ANKS1B: variants seen among roughly 807,000 people sequenced by gnomAD.
ANKS1B encodes ankyrin repeat and sterile alpha motif domain-containing protein 1B.
In ANKS1B, 36 loss-of-function variants were observed where a neutral mutation model predicts 148.3. That is an observed-to-expected ratio of 0.24 (90% CI 0.19 to 0.32). The LOEUF is 0.32. Among genes scored for constraint, ANKS1B ranks in the 10% least tolerant of loss-of-function variants. The pLI, the probability that ANKS1B is intolerant of heterozygous loss-of-function variation, is 1.00. For missense variants in ANKS1B, 1,157 were observed against 1,542.6 expected (o/e 0.75, Z 4.19); for synonymous variants, 542 against 560.8 (o/e 0.97, Z 0.47).
chr12:98,789,447 A>G (rs1197529150), intron 22 of ANKS1B, among the ~76,000 whole-genome samples: 1 of 151,438 alleles, frequency 6.6e-6, no homozygotes, highest in Non-Finnish European at 1.5e-5. Context: ...AAGTTCCCCT[A>G]TTCTCCCTCA....
chr12:99,389,793 A>T (rs572045050), intron 12 of ANKS1B, among the ~76,000 whole-genome samples: 99 of 147,992 alleles, frequency 6.7e-4, no homozygotes, highest in Non-Finnish European at 1.2e-3. Context: ...AAATTGATTT[A>T]AAAAAAAACA....
At chr12:99,194,036 G>A (rs781474113) in intron 14 of ANKS1B, among the ~76,000 whole-genome samples, 4 of 151,602 alleles carry the variant, frequency 2.6e-5, no homozygotes, top group South Asian at 4.2e-4. Flanking sequence ...TCTTTACCTC[G>A]TGATCCGCCC....
intron 12 of ANKS1B, among the ~76,000 whole-genome samples, chr12:99,360,295 C>T (rs115280106): frequency 0.01 from 1,553 of 152,234 alleles, 28 homozygotes; most frequent in African/African-American, 0.036. Context: ...AATAGGATTA[C>T]AGACTCTTCA....
intron 14 of ANKS1B, among the ~76,000 whole-genome samples, chr12:99,189,890 G>A (rs1019079762): frequency 2.0e-5 from 3 of 152,160 alleles, no homozygotes; most frequent in Non-Finnish European, 4.4e-5. Flanking sequence ...AGGAAGAGAG[G>A]AAGTCAAATG....
intron 1 of ANKS1B, among the ~76,000 whole-genome samples, chr12:99,885,503 C>G (rs2092776151): frequency 6.6e-6 from 1 of 152,066 alleles, no homozygotes; most frequent in South Asian, 2.1e-4. Flanking sequence ...CGGGGTTTCA[C>G]CATGTTAGCC....
At chr12:98,966,961 C>T (rs2099878608) in intron 17 of ANKS1B, among the ~76,000 whole-genome samples, 3 of 151,976 alleles carry the variant, frequency 2.0e-5, no homozygotes. Context: ...ATGGGTGTAG[C>T]ACACCAACAT....
At chr12:99,769,961 G>A (rs1485748896) in intron 8 of ANKS1B, among the ~76,000 whole-genome samples, 1 of 152,078 alleles carries the variant, frequency 6.6e-6, no homozygotes, top group Non-Finnish European at 1.5e-5. Flanking sequence ...CTTTCACCAG[G>A]ACACAGCTTA....
At chr12:99,134,698 CA>C (rs1241665608) in intron 15 of ANKS1B, among the ~76,000 whole-genome samples, 13 of 137,198 alleles carry the variant, frequency 9.5e-5, no homozygotes, top group African/African-American at 2.2e-4. Flanking sequence ...CACACACACA[CA>C]CCAGGCATTT....
At chr12:99,188,763 C>G (rs960518611) in intron 14 of ANKS1B, among the ~76,000 whole-genome samples, 2 of 152,088 alleles carry the variant, frequency 1.3e-5, no homozygotes, top group Non-Finnish European at 2.9e-5. Flanking sequence ...AAAATCAATA[C>G]CCTAACATCA....
chr12:98,840,231 G>C lies in ANKS1B; in HGVS notation c.2779-8095C>G, dbSNP rs2099398289. The stretch of plus-strand genomic sequence containing the variant: ...ATTCCTACACACAGTCTTGCCACGG[G>C]TGATGCAAAACTTCCTTACATCCCA... On this transcript the variant is annotated intron_variant, in intron 17 of 26. Coordinates refer to ENST00000683438, the MANE Select transcript of ANKS1B (RefSeq NM_001352186.2). Among the ~76,000 whole-genome samples the C allele has an allele frequency of 2.0e-5, 3 of 151,986 alleles. No homozygotes were observed. The South Asian group carries it at 6.2e-4, about 32-fold the overall frequency.
intron 9 of ANKS1B, among the ~76,000 whole-genome samples, chr12:99,513,686 C>T (rs950455912): frequency 6.6e-6 from 1 of 151,988 alleles, no homozygotes; most frequent in African/African-American, 2.4e-5. Context: ...TCCTCAAGTC[C>T]TATACTTTGC....
At chr12:99,630,595 G>T (rs1280820825) in intron 9 of ANKS1B, among the ~76,000 whole-genome samples, 4 of 152,210 alleles carry the variant, frequency 2.6e-5, no homozygotes, top group African/African-American at 7.2e-5. Flanking sequence ...GTTTATGAGA[G>T]ATGCTGTAGA....
At chr12:99,049,377 C>T (rs2099964498) in intron 17 of ANKS1B, among the ~76,000 whole-genome samples, 1 of 152,020 alleles carries the variant, frequency 6.6e-6, no homozygotes, top group Admixed American at 6.5e-5. Context: ...GTTATCGCAA[C>T]TTTAGCAATG....
At chr12:98,856,767 C>T (rs189684071) in intron 17 of ANKS1B, among the ~76,000 whole-genome samples, 16 of 151,850 alleles carry the variant, frequency 1.1e-4, no homozygotes, top group African/African-American at 3.1e-4. Context: ...TAGCTGGGGA[C>T]AAAAAAGGAA....
At chr12:98,772,367 G>C (rs1406619963) in intron 25 of ANKS1B, among the ~76,000 whole-genome samples, 1 of 152,176 alleles carries the variant, frequency 6.6e-6, no homozygotes, top group Non-Finnish European at 1.5e-5. Context: ...GCGATGTGAG[G>C]ACACAGCAAG....
chr12:99,633,570 G>A (rs1234042093), intron 9 of ANKS1B, among the ~76,000 whole-genome samples: 1 of 152,108 alleles, frequency 6.6e-6, no homozygotes, highest in Non-Finnish European at 1.5e-5. Context: ...CAGGACATAG[G>A]CATGGGCAAG....
At chr12:99,083,614 A>G (rs10735360) in intron 16 of ANKS1B, among the ~76,000 whole-genome samples, 151,969 of 152,310 alleles carry the variant, frequency 1, 75,816 homozygotes, top group Middle Eastern at 1. Context: ...TTTGAATTGC[A>G]TGAATATGTT....
At chr12:98,852,814 A>G (rs1358112763) in intron 17 of ANKS1B, among the ~76,000 whole-genome samples, 1 of 152,166 alleles carries the variant, frequency 6.6e-6, no homozygotes, top group Non-Finnish European at 1.5e-5. Context: ...GATATATTCC[A>G]TATTTAGAAG....
At chr12:99,544,822 T>C (rs1385471177) in intron 9 of ANKS1B, among the ~76,000 whole-genome samples, 1 of 152,192 alleles carries the variant, frequency 6.6e-6, no homozygotes, top group African/African-American at 2.4e-5. Context: ...CTTTCTTCTG[T>C]ATAAAGTCTT....
Sources: gnomAD v4.1 joint callset for allele counts (sites outside exome capture counted in the v4.1 genomes callset) on GRCh38, gnomAD v4.1.1 for gene constraint, MANE v1.5 for transcripts, NCBI Gene and HGNC (gene_info 2026-07-23, HGNC 2026-07-21) for gene names.